The following EYS variants were observed in gnomAD, a reference collection of about 807,000 sequenced individuals.
EYS encodes EGF-like photoreceptor maintenance factor, also known as protein eyes shut homolog.
In EYS, 250 loss-of-function variants were observed where a neutral mutation model predicts 282.1. That is an observed-to-expected ratio of 0.89 (90% CI 0.80 to 0.98). The LOEUF is 0.98. Ranked by LOEUF, EYS falls within the 50% of genes least tolerant of loss-of-function variation. EYS has a pLI of 0.00. For missense variants in EYS, 4,016 were observed against 3,709.0 expected (o/e 1.08, Z -2.15); for synonymous variants, 1,355 against 1,282.9 (o/e 1.06, Z -1.20).
chr6:65,584,725 C>CTA (rs1489739854), intron 2 of EYS, among the ~76,000 whole-genome samples: 1 of 151,538 alleles, frequency 6.6e-6, no homozygotes, highest in East Asian at 1.9e-4. Context: ...TCTTACGTTG[C>CTA]TATATAATTA....
At chr6:63,733,176 C>CA (rs1361715615) in intron 41 of EYS, among the ~76,000 whole-genome samples, 2 of 151,998 alleles carry the variant, frequency 1.3e-5, no homozygotes, top group African/African-American at 2.4e-5. Flanking sequence ...TAGATAAAGT[C>CA]AGAGAGGTTA....
chr6:65,305,738 C>A (rs1768986884), intron 11 of EYS, among the ~76,000 whole-genome samples: 1 of 152,222 alleles, frequency 6.6e-6, no homozygotes, highest in Non-Finnish European at 1.5e-5. Flanking sequence ...TGTCCCTTTT[C>A]TTCTTCAGTA....
chr6:65,271,128 T>TTATAAATATATATATATATATATATATA (rs1767888254), intron 12 of EYS, among the ~76,000 whole-genome samples: 1 of 55,788 alleles, frequency 1.8e-5, no homozygotes, highest in South Asian at 7.9e-4. Flanking sequence ...AATCAATAGA[T>TTATAAATATATATATATATATATATATA]TATATATATA....
chr6:64,889,170 TTCTC>T (rs1411002124), intron 18 of EYS, among the ~76,000 whole-genome samples: 1 of 151,924 alleles, frequency 6.6e-6, no homozygotes, highest in Non-Finnish European at 1.5e-5. Flanking sequence ...TTATAGAATT[TTCTC>T]TCTCTCTCAT....
Position 65,335,116 on chromosome 6 carries a change from C to T in EYS, c.1630G>A (p.Glu544Lys), listed in dbSNP as rs765536084. The T allele has an allele frequency of 6.2e-7, 1 of 1,611,658 alleles. No individual in the cohort carries two copies. The highest frequency in any genetic ancestry group is 8.5e-7 in the Non-Finnish European group (1 of 1,178,668). The change falls in exon 11 of 43, where the codon GAA (glutamate) becomes AAA (lysine). Residue 544 changes from glutamate (E) to lysine (K), a missense_variant. Coordinates refer to ENST00000503581, the MANE Select transcript of EYS (RefSeq NM_001142800.2). ...TACCGATATTCCTGACTGTCTTCTT[C>T]ACTCAAACAACTGCATCCATTTGCA... ...ICANGCSCLS[E>K]EDSQEYRYLC...
intron 14 of EYS, among the ~76,000 whole-genome samples, chr6:64,994,907 C>CAT (rs1376561519): frequency 2.0e-5 from 3 of 152,240 alleles, no homozygotes; most frequent in Non-Finnish European, 4.4e-5. Flanking sequence ...CTCAAGCCTA[C>CAT]ATATATTCCA....
At chr6:64,545,489 C>T (rs904575472) in intron 26 of EYS, among the ~76,000 whole-genome samples, 2 of 152,194 alleles carry the variant, frequency 1.3e-5, no homozygotes, top group African/African-American at 2.4e-5. Flanking sequence ...CTAACCACTC[C>T]TATTCAACGT....
chr6:63,989,570 G>A (rs576366626), intron 34 of EYS, among the ~76,000 whole-genome samples: 4 of 151,360 alleles, frequency 2.6e-5, no homozygotes, highest in Admixed American at 2.6e-4. Context: ...TTTATTTTTA[G>A]GACAGAGCCT....
intron 22 of EYS, among the ~76,000 whole-genome samples, chr6:64,728,438 C>A (rs914438043): frequency 6.6e-6 from 1 of 152,098 alleles, no homozygotes. Context: ...GGGTTCACCC[C>A]ATTCTCCTGC....
intron 32 of EYS, among the ~76,000 whole-genome samples, chr6:64,075,149 A>G (rs752562498): frequency 9.2e-5 from 14 of 151,950 alleles, no homozygotes; most frequent in Admixed American, 7.2e-4. Context: ...GGTTCCCCCT[A>G]AAGGTCTGGA....
At chr6:64,212,368 C>G (rs62415312) in intron 31 of EYS, among the ~76,000 whole-genome samples, 2 of 151,352 alleles carry the variant, frequency 1.3e-5, no homozygotes, top group Non-Finnish European at 2.9e-5. Flanking sequence ...AACAATAAGT[C>G]CCAAAAGGCA....
chr6:64,029,205 T>C lies in EYS; in HGVS notation c.6726-30022A>G, dbSNP rs4406206. Among the ~76,000 whole-genome samples the C allele has an allele frequency of 7.1e-3, 1,087 of 152,234 alleles. 16 individuals carry two copies. Among genetic ancestry groups the C allele is most frequent in the African/African-American group, 0.024 (995 of 41,532 alleles). On this transcript the variant is annotated intron_variant, in intron 33 of 42. Coordinates refer to ENST00000503581, the MANE Select transcript of EYS (RefSeq NM_001142800.2). ...TCCCACAGGACACAACTTCTCTTTA[T>C]ATGTCACAGAGAGAGCCGGGATAGC...
At chr6:65,379,337 A>G (rs12660607) in intron 8 of EYS, among the ~76,000 whole-genome samples, 29,909 of 152,076 alleles carry the variant, frequency 0.2, 3,144 homozygotes, top group South Asian at 0.35. Context: ...AACACAATCC[A>G]TCACATAAAC....
At chr6:65,549,487 G>A (rs1426211289) in intron 2 of EYS, among the ~76,000 whole-genome samples, 1 of 152,134 alleles carries the variant, frequency 6.6e-6, no homozygotes, top group African/African-American at 2.4e-5. Flanking sequence ...CATTACTGCT[G>A]TGTGTAGCTG....
At chr6:65,390,703 G>A (rs1490242162) in intron 7 of EYS, among the ~76,000 whole-genome samples, 1 of 151,834 alleles carries the variant, frequency 6.6e-6, no homozygotes, top group Admixed American at 6.6e-5. Flanking sequence ...GGGCAACATA[G>A]TAAGACCCCA....
intron 24 of EYS, among the ~76,000 whole-genome samples, chr6:64,610,976 T>C (rs1767096335): frequency 6.6e-6 from 1 of 152,000 alleles, no homozygotes; most frequent in Admixed American, 6.6e-5. Flanking sequence ...CTCCATCTTT[T>C]TCCCCCCCAT....
chr6:64,546,258 A>C (rs983077918), intron 26 of EYS, among the ~76,000 whole-genome samples: 22 of 152,342 alleles, frequency 1.4e-4, no homozygotes, highest in African/African-American at 4.6e-4. Flanking sequence ...CCTGACAAAA[A>C]CAAGAAATGG....
At chr6:65,565,749 C>A (rs1292918600) in intron 2 of EYS, among the ~76,000 whole-genome samples, 1 of 152,064 alleles carries the variant, frequency 6.6e-6, no homozygotes, top group East Asian at 1.9e-4. Flanking sequence ...ACATATACAA[C>A]ATGGAACACT....
chr6:64,944,900 T>C (rs574250189), intron 15 of EYS, among the ~76,000 whole-genome samples: 12 of 152,228 alleles, frequency 7.9e-5, no homozygotes, highest in South Asian at 2.1e-4. Context: ...CTTATGTGCA[T>C]GTCCAGTCAT....
Sources: gnomAD v4.1 joint callset for allele counts (sites outside exome capture counted in the v4.1 genomes callset) on GRCh38, gnomAD v4.1.1 for gene constraint, MANE v1.5 for transcripts, NCBI Gene and HGNC (gene_info 2026-07-23, HGNC 2026-07-21) for gene names.